The following ANO10 variants were observed in gnomAD, a reference collection of about 807,000 sequenced individuals.
The protein encoded by ANO10 is anoctamin 10, also known as anoctamin-10.
ANO10 carries 77 observed loss-of-function variants against 74.7 expected under a neutral mutation model. That is an observed-to-expected ratio of 1.03 (90% CI 0.86 to 1.25). The LOEUF is 1.25. Ranked by LOEUF, ANO10 falls within the 50% of genes most tolerant of loss-of-function variation. The pLI, the probability that ANO10 is intolerant of heterozygous loss-of-function variation, is 0.00. For missense variants in ANO10, 721 were observed against 778.1 expected (o/e 0.93, Z 0.87); for synonymous variants, 279 against 284.9 (o/e 0.98, Z 0.21).
At chr3:43,580,283 T>G in intron 5 of ANO10, 70 bp downstream of exon 5, 1 of 1,600,940 alleles carries the variant, frequency 6.2e-7, no homozygotes, top group Non-Finnish European at 8.5e-7. Flanking sequence ...GGGAGCTGAC[T>G]CCACTGCTAG....
intron 1 of ANO10, among the ~76,000 whole-genome samples, chr3:43,629,940 G>C (rs1391072566): frequency 6.6e-6 from 1 of 152,220 alleles, no homozygotes; most frequent in Non-Finnish European, 1.5e-5. Context: ...GAACTCACCA[G>C]AGTTGTGAGT....
At position 43,432,539 on chromosome 3, in the gene ANO10, C is replaced by T. The variant is rs1184206438; in HGVS notation, c.1914+72G>A. On this transcript the variant is annotated intron_variant, in intron 12 of 12. Transcript: ENST00000292246. Reference sequence around the variant, plus strand: ...TTCAAGGCTGAAAAAAATGCTGAGACTGATTCTTCTGAATTATTTTTCCTG... The same window carrying T: ...TTCAAGGCTGAAAAAAATGCTGAGATTGATTCTTCTGAATTATTTTTCCTG... 4 of 1,288,010 alleles carry T rather than the reference C, an allele frequency of 3.1e-6. No individual in the cohort carries two copies. In the East Asian group the frequency reaches 9.2e-5, roughly 30 times the overall value. 79.8% of individuals were successfully genotyped at this position (1,288,010 alleles called of 1,614,324 possible).
intron 11 of ANO10, among the ~76,000 whole-genome samples, chr3:43,529,183 A>G (rs916125933): frequency 6.6e-5 from 10 of 152,242 alleles, no homozygotes; most frequent in African/African-American, 2.4e-4. Context: ...GCAGATTCAC[A>G]TCAGAGTTTG....
chr3:43,614,921 T>C (rs1365795933), intron 1 of ANO10, among the ~76,000 whole-genome samples: 2 of 150,474 alleles, frequency 1.3e-5, no homozygotes, highest in Non-Finnish European at 3.0e-5. Flanking sequence ...ACTTAATATT[T>C]CAATGTCCAT....
chr3:43,396,862 AT>A (rs1559506803), intron 12 of ANO10, among the ~76,000 whole-genome samples: 4 of 150,598 alleles, frequency 2.7e-5, no homozygotes, highest in African/African-American at 9.8e-5. Flanking sequence ...AAGTTTACTA[AT>A]TTTTTTCTTC....
chr3:43,655,353 C>T (rs1364628028), intron 1 of ANO10, among the ~76,000 whole-genome samples: 1 of 152,156 alleles, frequency 6.6e-6, no homozygotes, highest in Non-Finnish European at 1.5e-5. Flanking sequence ...CGTGGTCTCG[C>T]TGGCTCAGGA....
In ANO10 at chr3:43,366,892, G is replaced by A; in HGVS notation, c.*14C>T. On this transcript the variant is annotated 3_prime_UTR_variant, in exon 13 of 13. Transcript: ENST00000292246. The stretch of plus-strand genomic sequence containing the variant: ...CAGGCCTCTGCCAACAGGGCAGCTG[G>A]GCACGCTGGGCACTCAGGTTGCCTT... 6.3e-7 allele frequency: 1 copy of A among 1,576,148 alleles called. No individual in the cohort carries two copies. The highest frequency in any genetic ancestry group is 8.6e-7 in the Non-Finnish European group (1 of 1,160,576).
At chr3:43,392,912 T>C (rs2092305238) in intron 12 of ANO10, among the ~76,000 whole-genome samples, 1 of 152,236 alleles carries the variant, frequency 6.6e-6, no homozygotes, top group Non-Finnish European at 1.5e-5. Context: ...CGCCATATTG[T>C]TAAATCCAAG....
At chr3:43,669,971 G>A (rs992233799) in intron 1 of ANO10, among the ~76,000 whole-genome samples, 7 of 151,968 alleles carry the variant, frequency 4.6e-5, no homozygotes, top group Admixed American at 2.0e-4. Context: ...TGATCCACCC[G>A]CCTAGGCCTC....
At chr3:43,404,876 C>CAAAAAA (rs3048939) in intron 12 of ANO10, among the ~76,000 whole-genome samples, 1 of 81,396 alleles carries the variant, frequency 1.2e-5, no homozygotes, top group African/African-American at 5.1e-5. Flanking sequence ...GAACCTGTCT[C>CAAAAAA]AAAAAAAAAA....
At chr3:43,454,913 G>A (rs2075056929) in intron 11 of ANO10, among the ~76,000 whole-genome samples, 1 of 152,170 alleles carries the variant, frequency 6.6e-6, no homozygotes, top group African/African-American at 2.4e-5. Context: ...ATGCACCGAT[G>A]AGGATGATCC....
chr3:43,643,576 G>C (rs1029771595), intron 1 of ANO10, among the ~76,000 whole-genome samples: 1 of 150,788 alleles, frequency 6.6e-6, no homozygotes, highest in African/African-American at 2.5e-5. Flanking sequence ...ATTTCTTTTC[G>C]CTCTGTTCTC....
intron 1 of ANO10, among the ~76,000 whole-genome samples, chr3:43,630,926 G>A (rs6762850): frequency 0.049 from 7,427 of 151,602 alleles, 206 homozygotes; most frequent in Non-Finnish European, 0.059. Flanking sequence ...CTACCAGCTC[G>A]TGTTTGATCG....
intron 11 of ANO10, among the ~76,000 whole-genome samples, chr3:43,466,522 G>A (rs2075634578): frequency 6.6e-6 from 1 of 151,942 alleles, no homozygotes; most frequent in Admixed American, 6.6e-5. Flanking sequence ...TGAGAAAAAA[G>A]GGTCTTTTAA....
intron 1 of ANO10, among the ~76,000 whole-genome samples, chr3:43,664,091 G>C (rs1452800314): frequency 6.6e-6 from 1 of 152,158 alleles, no homozygotes; most frequent in Non-Finnish European, 1.5e-5. Context: ...TGGGCAAGAA[G>C]AACAACGCTG....
chr3:43,584,719 C>T (rs545393921), intron 4 of ANO10, among the ~76,000 whole-genome samples: 2 of 152,308 alleles, frequency 1.3e-5, no homozygotes, highest in South Asian at 4.1e-4. Context: ...CGCCATCTAA[C>T]TGCTTCGAAA....
At position 43,365,951 on chromosome 3, in the gene ANO10, G is replaced by C. The variant is rs914585385; in HGVS notation, c.*955C>G. The C allele has an allele frequency of 6.6e-6, 1 of 152,502 alleles. No homozygotes were observed. Among genetic ancestry groups the C allele is most frequent in the African/African-American group, 2.4e-5 (1 of 41,464 alleles). The allele number at this position is 152,502 out of a possible 1,614,324, so 9.4% of individuals were successfully genotyped here. On this transcript the variant is annotated 3_prime_UTR_variant, in exon 13 of 13. Coordinates refer to ENST00000292246, the MANE Select transcript of ANO10 (RefSeq NM_018075.5). ...CTGGTGGGAAGGGCTGTATACGTGG[G>C]CAGCACTGGCCTACATGGCATTCTT... is the stretch of plus-strand genomic sequence containing the variant.
intron 12 of ANO10, among the ~76,000 whole-genome samples, chr3:43,373,615 A>G (rs2091695257): frequency 6.6e-6 from 1 of 152,230 alleles, no homozygotes; most frequent in African/African-American, 2.4e-5. Flanking sequence ...TTGAAAGGAG[A>G]TATTTTGAGA....
At chr3:43,376,049 G>C (rs2091794759) in intron 12 of ANO10, among the ~76,000 whole-genome samples, 1 of 152,214 alleles carries the variant, frequency 6.6e-6, no homozygotes, top group South Asian at 2.1e-4. Context: ...CCCCAGATGT[G>C]TTCTGATGGC....
Sources: allele counts gnomAD v4.1 joint callset (sites outside exome capture counted in the v4.1 genomes callset), GRCh38; gene constraint gnomAD v4.1.1; transcripts MANE v1.5; gene names NCBI Gene and HGNC (gene_info 2026-07-23, HGNC 2026-07-21).